Variants in SKAP2 observed in about 807,000 individuals in gnomAD.
SKAP2 encodes src kinase associated phosphoprotein 2.
In SKAP2, 28 loss-of-function variants were observed where a neutral mutation model predicts 54.9. That is an observed-to-expected ratio of 0.51 (90% CI 0.38 to 0.70). The LOEUF (loss-of-function observed/expected upper bound fraction) is 0.70, where lower values mean the gene tolerates loss of function less well. SKAP2 is among the 30% of genes least tolerant of loss of function. The probability of loss-of-function intolerance (pLI) is 0.00; values close to 1 mark genes in which losing one functional copy is unlikely to be tolerated. For missense variants in SKAP2, 356 were observed against 424.1 expected (o/e 0.84, Z 1.41); for synonymous variants, 137 against 134.3 (o/e 1.02, Z -0.14).
At chr7:26,828,219 G>A (rs1046204080) in intron 4 of SKAP2, among the ~76,000 whole-genome samples, 10 of 152,056 alleles carry the variant, frequency 6.6e-5, no homozygotes, top group South Asian at 2.1e-4. Flanking sequence ...TGAAAGAAGA[G>A]TCATGTGATT....
chr7:26,724,704 G>A (rs1373327298), intron 9 of SKAP2, among the ~76,000 whole-genome samples: 1 of 151,924 alleles, frequency 6.6e-6, no homozygotes. Flanking sequence ...TAGAGTATTA[G>A]TAATACAATT....
chr7:26,818,031 C>T (rs2127989603), intron 4 of SKAP2, among the ~76,000 whole-genome samples: 1 of 152,204 alleles, frequency 6.6e-6, no homozygotes, highest in East Asian at 1.9e-4. Flanking sequence ...TTTATAGATT[C>T]AATGCTATCC....
intron 4 of SKAP2, among the ~76,000 whole-genome samples, chr7:26,825,843 G>A (rs539834121): frequency 7.1e-4 from 108 of 152,176 alleles, no homozygotes; most frequent in African/African-American, 2.6e-3. Flanking sequence ...ACTACTGAAT[G>A]TATATCTATA....
At chr7:26,790,666 T>A (rs2127981429) in intron 4 of SKAP2, among the ~76,000 whole-genome samples, 1 of 152,304 alleles carries the variant, frequency 6.6e-6, no homozygotes, top group Admixed American at 6.5e-5. Flanking sequence ...ACTAATATCC[T>A]AACATTTCTA....
At chr7:26,729,933 A>G (rs1787787034) in intron 6 of SKAP2, among the ~76,000 whole-genome samples, 2 of 152,234 alleles carry the variant, frequency 1.3e-5, no homozygotes, top group African/African-American at 4.8e-5. Context: ...ACTAATATCT[A>G]GACCTATCCA....
chr7:26,702,429 C>A (rs959721626), intron 9 of SKAP2, among the ~76,000 whole-genome samples: 3 of 152,174 alleles, frequency 2.0e-5, no homozygotes, highest in Admixed American at 1.3e-4. Context: ...AGGCATGAGC[C>A]ACTGCGCCCA....
At chr7:26,804,601 T>C (rs190131047) in intron 4 of SKAP2, among the ~76,000 whole-genome samples, 1 of 152,082 alleles carries the variant, frequency 6.6e-6, no homozygotes, top group Non-Finnish European at 1.5e-5. Flanking sequence ...TAGCCAGGCA[T>C]GGTGGCACGC....
intron 4 of SKAP2, among the ~76,000 whole-genome samples, chr7:26,759,591 G>C (rs1782879614): frequency 6.6e-6 from 1 of 152,116 alleles, no homozygotes; most frequent in Non-Finnish European, 1.5e-5. Context: ...ACAAACCCTG[G>C]CCTTTTAAAA....
At chr7:26,843,966 A>AC in intron 4 of SKAP2, 64 bp downstream of exon 4, 1 of 1,000,630 alleles carries the variant, frequency 1.0e-6, no homozygotes, top group Non-Finnish European at 1.6e-6. Context: ...TCATAAAACT[A>AC]CCACCCATAT....
chr7:26,745,674 C>T, intron 4 of SKAP2, among the ~76,000 whole-genome samples: 1 of 152,178 alleles, frequency 6.6e-6, no homozygotes, highest in Middle Eastern at 3.2e-3. Flanking sequence ...AACACCATGC[C>T]TGGCTAATTT....
the SKAP2 span, among the ~76,000 whole-genome samples, chr7:26,660,051 G>GA: frequency 2.6e-5 from 4 of 151,958 alleles, no homozygotes; most frequent in African/African-American, 4.8e-5. Context: ...TTTTTTAAGA[G>GA]AAAAAACTCA....
chr7:26,687,972 CATGA>C (rs1344011323), intron 10 of SKAP2, among the ~76,000 whole-genome samples: 3 of 151,726 alleles, frequency 2.0e-5, no homozygotes, highest in African/African-American at 4.8e-5. Flanking sequence ...TCCTGAGAAG[CATGA>C]ATGATTAAAA....
intron 9 of SKAP2, among the ~76,000 whole-genome samples, chr7:26,698,724 C>T (rs1274860835): frequency 2.0e-5 from 3 of 152,170 alleles, no homozygotes; most frequent in Non-Finnish European, 2.9e-5. Flanking sequence ...GAATGACTGA[C>T]AAACTGGTTA....
intron 1 of SKAP2, chr7:26,858,187 C>T (rs976593905): frequency 2.6e-5 from 4 of 152,298 alleles, no homozygotes; most frequent in African/African-American, 9.7e-5. Context: ...CCACCCACCC[C>T]CATCTCCTGC....
rs1199809442 is a variant in SKAP2 at position 26,690,288 on chromosome 7, A to G, written c.871T>C (p.Ser291Pro). 6.3e-7 allele frequency: 1 copy of G among 1,599,508 alleles called. No homozygotes were observed. The highest frequency in any genetic ancestry group is 1.7e-5 in the Admixed American group (1 of 59,958). ...KMSQDSVHHT[S>P]GDKSTDYANF... ...AAGAAGCTACACAAGTCATTACCTG[A>G]GGTGTGATGGACACTATCCTGACTC... The change falls in exon 10 of 13, where the codon TCA (serine) becomes CCA (proline). Residue 291 changes from serine to proline, a missense_variant. By Grantham distance (74) the Ser-to-Pro change is moderately conservative. Transcript: ENST00000345317.
chr7:26,858,003 T>C (rs1012821363), intron 1 of SKAP2: 2 of 152,306 alleles, frequency 1.3e-5, no homozygotes, highest in South Asian at 2.1e-4. Context: ...CGCAGTAATT[T>C]GATAACAAGA....
chr7:26,817,768 T>A (rs1295177637), intron 4 of SKAP2, among the ~76,000 whole-genome samples: 1 of 151,980 alleles, frequency 6.6e-6, no homozygotes, highest in African/African-American at 2.4e-5. Flanking sequence ...TGTGCAAAAA[T>A]CACAAGCATT....
intron 4 of SKAP2, among the ~76,000 whole-genome samples, chr7:26,799,414 A>T (rs1280598952): frequency 6.6e-6 from 1 of 152,192 alleles, no homozygotes; most frequent in Non-Finnish European, 1.5e-5. Context: ...AGGAATTGCT[A>T]TACTTAGACA....
intron 10 of SKAP2, among the ~76,000 whole-genome samples, chr7:26,686,139 C>G (rs1414603170): frequency 1.3e-5 from 2 of 151,906 alleles, no homozygotes; most frequent in Admixed American, 1.3e-4. Context: ...TTAAAATTCT[C>G]TTTAATATAA....
Sources: allele counts gnomAD v4.1 joint callset (sites outside exome capture counted in the v4.1 genomes callset), GRCh38; gene constraint gnomAD v4.1.1; transcripts MANE v1.5; gene names NCBI Gene and HGNC (gene_info 2026-07-23, HGNC 2026-07-21).